ARK2C: variants seen among roughly 807,000 people sequenced by gnomAD.
The protein encoded by ARK2C is arkadia (RNF111) C-terminal like ring finger ubiquitin ligase 2C.
the ARK2C span, among the ~76,000 whole-genome samples, chr18:46,394,264 A>G: frequency 6.6e-6 from 1 of 152,220 alleles, no homozygotes; most frequent in Non-Finnish European, 1.5e-5. Flanking sequence ...TTCTGGGGCA[A>G]AAGCGAGAGC....
At chr18:46,394,170 C>T in the ARK2C span, among the ~76,000 whole-genome samples, 2 of 152,142 alleles carry the variant, frequency 1.3e-5, no homozygotes, top group African/African-American at 4.8e-5. Flanking sequence ...GGTCCCCTGC[C>T]GAGGGACAGA....
the ARK2C span, among the ~76,000 whole-genome samples, chr18:46,339,659 C>G: frequency 6.6e-6 from 1 of 152,228 alleles, no homozygotes; most frequent in South Asian, 2.1e-4. Context: ...TAAGATGGAA[C>G]ACAGTTCTTC....
the ARK2C span, among the ~76,000 whole-genome samples, chr18:46,439,441 G>A: frequency 2.6e-5 from 4 of 152,176 alleles, no homozygotes; most frequent in African/African-American, 9.7e-5. Context: ...ATCTGAGGTT[G>A]AACCTTCTGA....
chr18:46,349,889 A>G, the ARK2C span, among the ~76,000 whole-genome samples: 2 of 152,106 alleles, frequency 1.3e-5, no homozygotes, highest in African/African-American at 2.4e-5. Flanking sequence ...CCATCCCTCT[A>G]TGGGCCCCAT....
the ARK2C span, among the ~76,000 whole-genome samples, chr18:46,369,641 G>C: frequency 6.6e-6 from 1 of 152,178 alleles, no homozygotes; most frequent in Non-Finnish European, 1.5e-5. Context: ...CTCCTTGCTG[G>C]AGGTGGGGGC....
At chr18:46,337,552 C>A in the ARK2C span, 1 of 985,098 alleles carries the variant, frequency 1.0e-6, no homozygotes, top group African/African-American at 1.7e-5. Flanking sequence ...GTGGGCCCAG[C>A]CTTTTTTTTT....
chr18:46,447,271 T>C, the ARK2C span, among the ~76,000 whole-genome samples: 8 of 152,166 alleles, frequency 5.3e-5, no homozygotes, highest in African/African-American at 1.9e-4. Context: ...CTTTCAGCAT[T>C]TCTCTCAGGG....
chr18:46,352,014 T>C, the ARK2C span, among the ~76,000 whole-genome samples: 2 of 152,304 alleles, frequency 1.3e-5, no homozygotes, highest in African/African-American at 4.8e-5. Context: ...CAGAATGCAA[T>C]GGAGTCTTCC....
chr18:46,406,433 GTCTTCTTAATC>G, the ARK2C span, among the ~76,000 whole-genome samples: 2 of 152,218 alleles, frequency 1.3e-5, no homozygotes, highest in Admixed American at 1.3e-4. Context: ...AGCCCTTCTG[GTCTTCTTAATC>G]CCAGGCTTCC....
At chr18:46,368,326 C>A in the ARK2C span, among the ~76,000 whole-genome samples, 1 of 152,186 alleles carries the variant, frequency 6.6e-6, no homozygotes, top group East Asian at 1.9e-4. Flanking sequence ...AGCACTTACT[C>A]TTCCCCCATT....
the ARK2C span, among the ~76,000 whole-genome samples, chr18:46,402,413 TA>T: frequency 6.6e-6 from 1 of 152,274 alleles, no homozygotes; most frequent in Non-Finnish European, 1.5e-5. Context: ...AAAATGAACA[TA>T]TTTTTGATGT....
At chr18:46,450,345 C>G in the ARK2C span, 8 of 1,614,146 alleles carry the variant, frequency 5.0e-6, no homozygotes, top group Admixed American at 1.3e-4. Flanking sequence ...CACTTCCTTG[C>G]TCTCCAGGGA....
At chr18:46,441,349 A>G in the ARK2C span, among the ~76,000 whole-genome samples, 2 of 152,118 alleles carry the variant, frequency 1.3e-5, no homozygotes, top group African/African-American at 4.8e-5. Flanking sequence ...CTTCCCATGT[A>G]GCTGGGATTA....
the ARK2C span, among the ~76,000 whole-genome samples, chr18:46,452,059 A>G: frequency 1.3e-5 from 2 of 152,322 alleles, no homozygotes; most frequent in African/African-American, 2.4e-5. Flanking sequence ...ATTTGGTATC[A>G]TACTCTAACG....
chr18:46,390,653 T>G, the ARK2C span, among the ~76,000 whole-genome samples: 1 of 152,312 alleles, frequency 6.6e-6, no homozygotes, highest in South Asian at 2.1e-4. Flanking sequence ...AGTTAGTCCA[T>G]CAGCCCCCAT....
chr18:46,362,066 G>T, the ARK2C span, among the ~76,000 whole-genome samples: 11 of 152,216 alleles, frequency 7.2e-5, no homozygotes, highest in African/African-American at 2.7e-4. Flanking sequence ...CCTGCCAAAG[G>T]CCCCCCTGCC....
At chr18:46,339,062 A>G in the ARK2C span, among the ~76,000 whole-genome samples, 1 of 152,202 alleles carries the variant, frequency 6.6e-6, no homozygotes, top group African/African-American at 2.4e-5. Flanking sequence ...ACACATGGAC[A>G]CACATGGATG....
the ARK2C span, among the ~76,000 whole-genome samples, chr18:46,354,402 TG>T: frequency 2.0e-5 from 3 of 152,202 alleles, no homozygotes; most frequent in Non-Finnish European, 2.9e-5. Context: ...GCTGTAATGA[TG>T]GGGGGTCCTC....
At chr18:46,335,809 T>A in the ARK2C span, 1 of 859,510 alleles carries the variant, frequency 1.2e-6, no homozygotes, top group African/African-American at 1.8e-5. Flanking sequence ...TTAGGCCTGT[T>A]TGAACCGCAG....
Sources: gnomAD v4.1 joint callset for allele counts (sites outside exome capture counted in the v4.1 genomes callset) on GRCh38, gnomAD v4.1.1 for gene constraint, MANE v1.5 for transcripts, NCBI Gene and HGNC (gene_info 2026-07-23, HGNC 2026-07-21) for gene names.